Variants in C2CD3 observed in about 807,000 individuals in gnomAD.
C2CD3 encodes the protein C2 domain-containing protein 3.
C2CD3 carries 148 observed loss-of-function variants against 234.0 expected under a neutral mutation model. The observed-to-expected ratio is 0.63, with a 90% confidence interval of 0.55 to 0.72. The LOEUF (loss-of-function observed/expected upper bound fraction) is 0.72. Ranked by LOEUF, C2CD3 falls within the 30% of genes least tolerant of loss-of-function variation. The pLI is 0.00. For missense variants in C2CD3, 2,577 were observed against 2,811.5 expected, an observed-to-expected ratio of 0.92 and a Z score of 1.89; for synonymous variants, 1,000 against 1,035.4, an observed-to-expected ratio of 0.97 and a Z score of 0.66.
chr11:74,136,050 C>T (rs548591825), intron 5 of C2CD3, among the ~76,000 whole-genome samples: 7 of 151,524 alleles, frequency 4.6e-5, no homozygotes, highest in Admixed American at 2.0e-4. Context: ...ATTCATACCC[C>T]AATTCTCAGC....
At chr11:74,089,278 C>A (rs914868499) in intron 20 of C2CD3, among the ~76,000 whole-genome samples, 1 of 152,068 alleles carries the variant, frequency 6.6e-6, no homozygotes. Flanking sequence ...AACAAATCTG[C>A]ACATGTACCC....
Position 74,094,049 on chromosome 11 carries a change from TTTC to T in C2CD3, c.3161-53_3161-51del, listed in dbSNP as rs1565285885. 3.5e-6 allele frequency: 5 copies of T among 1,430,502 alleles called. No individual in the cohort carries two copies. The East Asian group carries it at 6.9e-5, about 20-fold the overall frequency. The allele number at this position is 1,430,502 out of a possible 1,614,324, so 88.6% of individuals were successfully genotyped here. A position where few individuals can be genotyped will look rare whatever the true frequency, so the allele number is the denominator to read the frequency against. On this transcript the variant is annotated intron_variant, in intron 17 of 32. Transcript: ENST00000334126. The stretch of plus-strand genomic sequence containing the variant: ...AATAATCCAACATATGACTTAGTGT[TTTC>T]TTCTTCTTTCATGTTCTTCCAGTGA...
chr11:74,114,187 C>A (rs1956848760), intron 10 of C2CD3, among the ~76,000 whole-genome samples, 197 bp downstream of exon 10: 1 of 152,140 alleles, frequency 6.6e-6, no homozygotes, highest in Admixed American at 6.5e-5. Context: ...AGAACAGAGT[C>A]TGTATCTTAA....
chr11:74,133,968 GCAGGTTAATGGAAAAGT>G (rs1404039396), intron 5 of C2CD3, among the ~76,000 whole-genome samples: 3 of 152,072 alleles, frequency 2.0e-5, no homozygotes, highest in African/African-American at 7.2e-5. Flanking sequence ...GACTCACACA[GCAGGTTAATGGAAAAGT>G]CAGGATAAAA....
chr11:74,058,473 T>C (rs1430619785), intron 24 of C2CD3, among the ~76,000 whole-genome samples: 2 of 152,170 alleles, frequency 1.3e-5, no homozygotes, highest in African/African-American at 2.4e-5. Flanking sequence ...GTTATTTCTA[T>C]CATTATTATT....
chr11:74,035,025 A>C (rs1463689315), intron 30 of C2CD3, among the ~76,000 whole-genome samples: 1 of 152,242 alleles, frequency 6.6e-6, no homozygotes, highest in Non-Finnish European at 1.5e-5. Context: ...AATGGGAGTG[A>C]ATCAATTAAT....
intron 24 of C2CD3, among the ~76,000 whole-genome samples, chr11:74,063,605 A>T (rs1290170142): frequency 6.6e-6 from 1 of 152,196 alleles, no homozygotes; most frequent in Non-Finnish European, 1.5e-5. Context: ...CTCTCAATAA[A>T]CTAGGTATTG....
At chr11:74,112,047 T>C (rs548789239) in intron 11 of C2CD3, among the ~76,000 whole-genome samples, 30 of 152,094 alleles carry the variant, frequency 2.0e-4, no homozygotes, top group Non-Finnish European at 2.5e-4. Context: ...ATCTTGATTG[T>C]CTGCAAGGAT....
rs1534292 is a variant in C2CD3 at position 74,133,046 on chromosome 11, C to T, written c.1089-74G>A. The T allele has an allele frequency of 2.9e-4, 406 of 1,417,716 alleles. 1 individual carries two copies. In the African/African-American group the frequency reaches 5.2e-3, roughly 18 times the overall value. The allele number at this position is 1,417,716 out of a possible 1,614,324, so 87.8% of individuals were successfully genotyped here. On this transcript the variant is annotated intron_variant, in intron 6 of 32. Coordinates refer to ENST00000334126, the MANE Select transcript of C2CD3 (RefSeq NM_001286577.2). ...AAATCTAAATCATAATCACTTCGTA[C>T]ATGCAGCTGGTCTGACTCAGAAAAT...
chr11:74,166,356 G>A (rs973340808), intron 2 of C2CD3, among the ~76,000 whole-genome samples: 4 of 151,476 alleles, frequency 2.6e-5, no homozygotes, highest in African/African-American at 7.3e-5. Flanking sequence ...TCTACAGTTG[G>A]ACTGTCACTT....
rs1233303011 is a variant in C2CD3 at position 74,078,199 on chromosome 11, G to A, written c.4519C>T (p.His1507Tyr). ...AYGNDSVERP[H>Y]QTDSWIGSAY... ...GAGCCAATCCAGCTGTCTGTCTGAT[G>A]GGGTCTCTCCACACTGTCATTGCCA... Residue 1507 changes from histidine (H) to tyrosine (Y), a missense_variant, in exon 23 of 33, where the codon CAT (histidine) becomes TAT (tyrosine). Coordinates refer to ENST00000334126, the MANE Select transcript of C2CD3 (RefSeq NM_001286577.2). 5 of 1,613,858 alleles carry A rather than the reference G, an allele frequency of 3.1e-6. No individual in the cohort carries two copies. In the African/African-American group the frequency reaches 4.0e-5, roughly 13 times the overall value.
intron 21 of C2CD3, 32 bp from the exon 22 acceptor site, chr11:74,085,002 T>A (rs772019639): frequency 1.4e-5 from 18 of 1,261,348 alleles, no homozygotes; most frequent in Non-Finnish European, 2.0e-5. Flanking sequence ...AAAAATTATT[T>A]GATGGTCTAT....
chr11:74,118,566 A>G (rs554366376), intron 8 of C2CD3, among the ~76,000 whole-genome samples, 184 bp from the exon 9 acceptor site: 13 of 152,352 alleles, frequency 8.5e-5, no homozygotes, highest in African/African-American at 3.1e-4. Flanking sequence ...GAAGTTCACA[A>G]AAATAACCTA....
intron 25 of C2CD3, among the ~76,000 whole-genome samples, chr11:74,056,858 T>C (rs1259039557): frequency 6.6e-6 from 1 of 152,154 alleles, no homozygotes; most frequent in Non-Finnish European, 1.5e-5. Context: ...AATCTTTTTT[T>C]CTGAGCTCTA....
rs75036801 is a variant in C2CD3, at chr11:74,048,499, T to C, written c.5362-161A>G. On this transcript the variant is annotated intron_variant, in intron 27 of 32. Transcript: ENST00000334126. ...CAATTTACATACATTTTCTCATTTATAATCTTATGAGGCAACTATTATTAT... is the reference window on the plus strand; with the variant it reads ...CAATTTACATACATTTTCTCATTTACAATCTTATGAGGCAACTATTATTAT... Among the ~76,000 whole-genome samples the C allele has an allele frequency of 0.024, 3,715 of 152,362 alleles. 144 individuals are homozygous for C. The highest frequency in any genetic ancestry group is 0.083 in the African/African-American group (3,463 of 41,578).
chr11:74,049,921 T>C (rs898374215), intron 26 of C2CD3, among the ~76,000 whole-genome samples: 3 of 140,218 alleles, frequency 2.1e-5, no homozygotes, highest in South Asian at 2.1e-4. Flanking sequence ...GCTAGGACTA[T>C]AGGCACACAC....
At chr11:74,072,530 C>T (rs929545243) in intron 24 of C2CD3, among the ~76,000 whole-genome samples, 4 of 152,172 alleles carry the variant, frequency 2.6e-5, no homozygotes, top group Non-Finnish European at 5.9e-5. Context: ...GACTGGCTCT[C>T]ATAGACACCA....
At chr11:74,132,789 T>C in intron 7 of C2CD3, 55 bp downstream of exon 7, 3 of 1,548,592 alleles carry the variant, frequency 1.9e-6, no homozygotes, top group Non-Finnish European at 2.7e-6. Context: ...TAACAATGCA[T>C]ACTATGAATT....
intron 26 of C2CD3, 42 bp from the exon 27 acceptor site, chr11:74,049,584 G>T: frequency 6.6e-7 from 1 of 1,507,718 alleles, no homozygotes; most frequent in Non-Finnish European, 9.2e-7. Flanking sequence ...GGCTAGGCAT[G>T]TCCTGCCACT....
Sources: gnomAD v4.1 joint callset for allele counts (sites outside exome capture counted in the v4.1 genomes callset) on GRCh38, gnomAD v4.1.1 for gene constraint, MANE v1.5 for transcripts, NCBI Gene and HGNC (gene_info 2026-07-23, HGNC 2026-07-21) for gene names.